Variants in KIF26B observed in about 807,000 individuals in gnomAD.
KIF26B encodes kinesin family member 26B.
A neutral mutation model predicts 151.2 loss-of-function variants in KIF26B; 63 were observed. The ratio of observed to expected loss-of-function variants is 0.42; its 90% CI spans 0.34 to 0.51. The LOEUF (loss-of-function observed/expected upper bound fraction) is 0.51. Among genes scored for constraint, KIF26B ranks in the 20% least tolerant of loss-of-function variants. KIF26B has a pLI of 0.07. For synonymous variants in KIF26B, 1,357 were observed against 1,262.1 expected (o/e 1.08, Z -1.59); for missense variants, 2,813 against 2,913.6 (o/e 0.97, Z 0.79).
intron 5 of KIF26B, among the ~76,000 whole-genome samples, chr1:245,582,039 C>T (rs941665128): frequency 5.9e-5 from 9 of 152,180 alleles, no homozygotes; most frequent in South Asian, 4.1e-4. Flanking sequence ...TTTACTGGTA[C>T]TCAAGTACTT....
intron 5 of KIF26B, among the ~76,000 whole-genome samples, chr1:245,558,559 T>A (rs1238186097): frequency 6.6e-6 from 1 of 152,214 alleles, no homozygotes; most frequent in Non-Finnish European, 1.5e-5. Flanking sequence ...AAGTGGGCAT[T>A]TATTTCTCTG....
chr1:245,446,801 A>G (rs868460905), intron 4 of KIF26B, among the ~76,000 whole-genome samples: 1 of 152,194 alleles, frequency 6.6e-6, no homozygotes, highest in Non-Finnish European at 1.5e-5. Flanking sequence ...TCCCCAAAGC[A>G]TCAAAATAGA....
intron 4 of KIF26B, among the ~76,000 whole-genome samples, chr1:245,430,464 A>G (rs973464479): frequency 6.6e-6 from 1 of 152,098 alleles, no homozygotes; most frequent in Non-Finnish European, 1.5e-5. Flanking sequence ...CAGGAGTTCA[A>G]GACCAGCCTG....
At chr1:245,620,111 A>G (rs148212928) in intron 9 of KIF26B, among the ~76,000 whole-genome samples, 41 of 152,146 alleles carry the variant, frequency 2.7e-4, no homozygotes, top group African/African-American at 9.2e-4. Flanking sequence ...ATAGAAAATG[A>G]TGTATTCATA....
chr1:245,456,278 A>ATATTTAAGT (rs1490163427), intron 4 of KIF26B, among the ~76,000 whole-genome samples: 1 of 152,106 alleles, frequency 6.6e-6, no homozygotes, highest in Non-Finnish European at 1.5e-5. Context: ...TTATCGTTGT[A>ATATTTAAGT]TATTTAAGTG....
chr1:245,607,749 G>A lies in KIF26B; in HGVS notation c.1651+5G>A, dbSNP rs1205858788. ...GTTTCGGCCACGCCAAACTGGGTTC[G>A]TGAGAGTTTCACTTTCTCATGCGGC... On this transcript the variant is annotated splice_donor_5th_base_variant and intron_variant, in intron 7 of 14. Transcript: ENST00000407071. The A allele has an allele frequency of 4.4e-6, 7 of 1,608,766 alleles. No homozygotes were observed. Among genetic ancestry groups the A allele is most frequent in the South Asian group, 2.2e-5 (2 of 89,806 alleles).
At chr1:245,300,892 G>A (rs1395367694) in intron 2 of KIF26B, among the ~76,000 whole-genome samples, 1 of 148,158 alleles carries the variant, frequency 6.7e-6, no homozygotes, top group African/African-American at 2.5e-5. Context: ...GTGCGGTGAT[G>A]CTATCTCAGC....
At chr1:245,386,036 T>A (rs758836596) in intron 3 of KIF26B, among the ~76,000 whole-genome samples, 2 of 151,258 alleles carry the variant, frequency 1.3e-5, no homozygotes, top group African/African-American at 4.9e-5. Flanking sequence ...AGGTCAGGAG[T>A]TCAAGACCAC....
intron 2 of KIF26B, among the ~76,000 whole-genome samples, chr1:245,234,092 G>A (rs1370906849): frequency 1.3e-5 from 2 of 151,978 alleles, no homozygotes; most frequent in Non-Finnish European, 2.9e-5. Context: ...GCTGAGGCAG[G>A]AGAATTGCTT....
At chr1:245,382,560 TTC>T (rs748197269) in intron 3 of KIF26B, among the ~76,000 whole-genome samples, 16,868 of 151,314 alleles carry the variant, frequency 0.11, 1,078 homozygotes, top group East Asian at 0.31. Flanking sequence ...TGTGTTTTGT[TTC>T]TTGTTTTGTT....
rs1305945704 is a variant in KIF26B, at chr1:245,704,059, T to TTGA, written c.*1455_*1457dup. ...GGAATTATGATACCCATTTTAGTGA[T>TTGA]TGATAGAAACCTGGGGTACAGAGTG... is the stretch of plus-strand genomic sequence containing the variant. On this transcript the variant is annotated 3_prime_UTR_variant, in exon 15 of 15. Transcript: ENST00000407071. 4.6e-5 allele frequency: 7 copies of TTGA among 151,860 alleles called. No individual in the cohort carries two copies. Among genetic ancestry groups the TTGA allele is most frequent in the South Asian group, 2.1e-4 (1 of 4,792 alleles). The allele number at this position is 151,860 out of a possible 1,614,324, so 9.4% of individuals were successfully genotyped here.
Position 245,328,312 on chromosome 1 carries a change from G to A in KIF26B, c.466-38522G>A, listed in dbSNP as rs115257062. Among the ~76,000 whole-genome samples, 1,052 of 152,180 alleles carry A rather than the reference G, an allele frequency of 6.9e-3. 17 individuals are homozygous for A. Among genetic ancestry groups the A allele is most frequent in the African/African-American group, 0.024 (1,006 of 41,496 alleles). On this transcript the variant is annotated intron_variant, in intron 2 of 14. Transcript: ENST00000407071. ...GGGAATATGCTGGGACTAAGGGTTCGTTGTGGCCTGCAGTCTGTTTCTATT... is the reference window on the plus strand; with the variant it reads ...GGGAATATGCTGGGACTAAGGGTTCATTGTGGCCTGCAGTCTGTTTCTATT...
intron 3 of KIF26B, among the ~76,000 whole-genome samples, chr1:245,378,659 GCTA>G (rs1300128135): frequency 1.3e-5 from 2 of 152,192 alleles, no homozygotes; most frequent in African/African-American, 4.8e-5. Context: ...GGAAACAACA[GCTA>G]CTGCTTTTTT....
chr1:245,542,903 C>T (rs990162297), intron 5 of KIF26B, among the ~76,000 whole-genome samples: 1 of 152,170 alleles, frequency 6.6e-6, no homozygotes, highest in Non-Finnish European at 1.5e-5. Flanking sequence ...ACCTTCCCCT[C>T]CTGTACTCTA....
intron 12 of KIF26B, among the ~76,000 whole-genome samples, chr1:245,689,074 A>C (rs1358674915): frequency 1.3e-5 from 2 of 152,144 alleles, no homozygotes; most frequent in Non-Finnish European, 2.9e-5. Context: ...TCTGTGAGAA[A>C]CTGCCCTACT....
intron 9 of KIF26B, among the ~76,000 whole-genome samples, chr1:245,623,609 C>T (rs1000893487): frequency 3.9e-5 from 6 of 152,048 alleles, no homozygotes; most frequent in African/African-American, 1.2e-4. Flanking sequence ...ACTTTGTGAG[C>T]GCCAAATGAC....
intron 3 of KIF26B, among the ~76,000 whole-genome samples, chr1:245,398,788 T>TTA (rs574605880): frequency 9.3e-5 from 14 of 151,268 alleles, no homozygotes; most frequent in East Asian, 3.9e-4. Flanking sequence ...ATTATAAATT[T>TTA]TATATATATA....
chr1:245,169,343 G>GTGTGTGTGTGTGTGTA (rs1355460928), intron 2 of KIF26B, among the ~76,000 whole-genome samples: 14 of 151,766 alleles, frequency 9.2e-5, no homozygotes, highest in Non-Finnish European at 1.8e-4. Flanking sequence ...GTGTGTGTGT[G>GTGTGTGTGTGTGTGTA]TGTGTGTGTG....
intron 4 of KIF26B, among the ~76,000 whole-genome samples, chr1:245,455,819 C>G (rs1286855366): frequency 6.6e-6 from 1 of 152,186 alleles, no homozygotes; most frequent in East Asian, 1.9e-4. Context: ...CTCTGCGTCT[C>G]CCTCAGGACA....
Sources: gnomAD v4.1 joint callset for allele counts (sites outside exome capture counted in the v4.1 genomes callset) on GRCh38, gnomAD v4.1.1 for gene constraint, MANE v1.5 for transcripts, NCBI Gene and HGNC (gene_info 2026-07-23, HGNC 2026-07-21) for gene names.